KIAA1217: variants seen among roughly 807,000 people sequenced by gnomAD.
KIAA1217 encodes the protein sickle tail protein homolog.
A neutral mutation model predicts 163.9 loss-of-function variants in KIAA1217; 88 were observed. That is an observed-to-expected ratio of 0.54 (90% CI 0.45 to 0.64). The LOEUF is 0.64. Among genes scored for constraint, KIAA1217 ranks in the 30% least tolerant of loss-of-function variants. The probability of loss-of-function intolerance (pLI) is 0.00; values close to 1 mark genes in which losing one functional copy is unlikely to be tolerated. For missense variants in KIAA1217, 2,372 were observed against 2,475.0 expected (o/e 0.96, Z 0.88); for synonymous variants, 903 against 923.1 (o/e 0.98, Z 0.39).
chr10:23,992,385 T>C (rs976527527), intron 1 of KIAA1217, among the ~76,000 whole-genome samples: 4 of 151,750 alleles, frequency 2.6e-5, no homozygotes, highest in African/African-American at 7.3e-5. Context: ...CAGAAGGAGA[T>C]GCAATCCTTG....
chr10:23,740,778 T>TAA (rs796794628), intron 1 of KIAA1217, among the ~76,000 whole-genome samples: 5 of 144,538 alleles, frequency 3.5e-5, no homozygotes, highest in African/African-American at 1.3e-4. Context: ...AGGTTGAGAT[T>TAA]AAAAAAAAAA....
At chr10:23,973,178 T>G (rs983241373) in intron 1 of KIAA1217, among the ~76,000 whole-genome samples, 4 of 27,516 alleles carry the variant, frequency 1.5e-4, no homozygotes, top group Non-Finnish European at 2.2e-4. Context: ...GAATTTAAAG[T>G]TTTTTTCCGC....
chr10:24,469,881 G>A (rs1313857750), intron 5 of KIAA1217, among the ~76,000 whole-genome samples: 1 of 152,146 alleles, frequency 6.6e-6, no homozygotes, highest in Non-Finnish European at 1.5e-5. Context: ...CAAAGTGCTG[G>A]GATTACAGGC....
chr10:23,899,486 AAT>A (rs1363240152), intron 1 of KIAA1217, among the ~76,000 whole-genome samples: 89 of 152,116 alleles, frequency 5.9e-4, no homozygotes, highest in African/African-American at 2.0e-3. Context: ...GAAGAGAAGA[AAT>A]ATAAGTCGAG....
At position 24,098,696 on chromosome 10, in the gene KIAA1217, G is replaced by A. The variant is rs562287093; in HGVS notation, c.-171+91322G>A. Among the ~76,000 whole-genome samples, 4 of 149,384 alleles carry A rather than the reference G, an allele frequency of 2.7e-5. 1 individual carries two copies. The South Asian group carries it at 6.3e-4, about 23-fold the overall frequency. ...CTATCTGACTATCTCAAAGAGAGCAGCCTGTAACCCTCCCCTCTGAAGGGG... is the reference window on the plus strand; with the variant it reads ...CTATCTGACTATCTCAAAGAGAGCAACCTGTAACCCTCCCCTCTGAAGGGG... On this transcript the variant is annotated intron_variant, in intron 2 of 18. Transcript: ENST00000376462.
chr10:24,326,079 G>C (rs2044841118), intron 2 of KIAA1217, among the ~76,000 whole-genome samples: 1 of 152,150 alleles, frequency 6.6e-6, no homozygotes, highest in Non-Finnish European at 1.5e-5. Flanking sequence ...CCGTCTAAAA[G>C]AAAGCAACAC....
intron 1 of KIAA1217, among the ~76,000 whole-genome samples, chr10:23,747,951 C>T (rs747102310): frequency 1.5e-4 from 23 of 152,122 alleles, no homozygotes; most frequent in Non-Finnish European, 2.4e-4. Flanking sequence ...GACTGTTGTG[C>T]GCTACACCTG....
At chr10:24,281,383 G>A (rs1431893979) in intron 2 of KIAA1217, among the ~76,000 whole-genome samples, 2 of 152,164 alleles carry the variant, frequency 1.3e-5, no homozygotes, top group Non-Finnish European at 1.5e-5. Flanking sequence ...ATCAATTAGG[G>A]TACAGTGTGT....
chr10:24,155,266 G>C (rs1376718699), intron 2 of KIAA1217, among the ~76,000 whole-genome samples: 1 of 152,090 alleles, frequency 6.6e-6, no homozygotes, highest in Non-Finnish European at 1.5e-5. Flanking sequence ...TCCGTAACTG[G>C]AGATAGGATC....
chr10:24,464,281 C>G (rs536763062), intron 5 of KIAA1217, among the ~76,000 whole-genome samples: 6 of 152,056 alleles, frequency 3.9e-5, no homozygotes, highest in Non-Finnish European at 8.8e-5. Flanking sequence ...CTTGTAATGA[C>G]GAATCCATGC....
chr10:24,278,720 C>A (rs1329418176), intron 2 of KIAA1217, among the ~76,000 whole-genome samples: 1 of 152,172 alleles, frequency 6.6e-6, no homozygotes, highest in Non-Finnish European at 1.5e-5. Flanking sequence ...CACTAGCGTG[C>A]TCTACAGTGT....
chr10:23,709,570 T>G (rs1396875168), intron 1 of KIAA1217, among the ~76,000 whole-genome samples: 3 of 152,056 alleles, frequency 2.0e-5, no homozygotes, highest in Admixed American at 2.0e-4. Context: ...AAACTTCCTT[T>G]CATCCGAATG....
intron 1 of KIAA1217, among the ~76,000 whole-genome samples, chr10:23,925,813 G>A (rs1267795052): frequency 6.6e-6 from 1 of 152,114 alleles, no homozygotes; most frequent in Non-Finnish European, 1.5e-5. Flanking sequence ...CAAGCTTAGG[G>A]TCTGGGATCC....
At chr10:24,281,753 A>G (rs1276263948) in intron 2 of KIAA1217, among the ~76,000 whole-genome samples, 1 of 152,146 alleles carries the variant, frequency 6.6e-6, no homozygotes, top group Non-Finnish European at 1.5e-5. Flanking sequence ...TTATATCATT[A>G]TATCATATCA....
intron 2 of KIAA1217, among the ~76,000 whole-genome samples, chr10:24,314,860 C>T (rs1446845003): frequency 6.6e-6 from 1 of 152,114 alleles, no homozygotes; most frequent in Admixed American, 6.5e-5. Flanking sequence ...AGGAGAATGG[C>T]GTGAACCCAG....
chr10:24,120,272 G>A (rs1431969969), intron 2 of KIAA1217, among the ~76,000 whole-genome samples: 1 of 152,176 alleles, frequency 6.6e-6, no homozygotes, highest in African/African-American at 2.4e-5. Flanking sequence ...TGAACAATGG[G>A]AATCAGAGTC....
At chr10:23,928,150 G>A (rs1387624620) in intron 1 of KIAA1217, among the ~76,000 whole-genome samples, 2 of 152,204 alleles carry the variant, frequency 1.3e-5, no homozygotes, top group Admixed American at 6.5e-5. Flanking sequence ...TTGAGACATT[G>A]TGCTTGTGTA....
intron 9 of KIAA1217, among the ~76,000 whole-genome samples, chr10:24,509,041 G>T (rs2068745570): frequency 6.6e-6 from 1 of 152,188 alleles, no homozygotes; most frequent in Admixed American, 6.5e-5. Context: ...TTTATTGTCT[G>T]TAAACTTTGT....
chr10:24,333,529 C>T (rs1008427500), intron 2 of KIAA1217, among the ~76,000 whole-genome samples: 6 of 152,168 alleles, frequency 3.9e-5, no homozygotes, highest in African/African-American at 9.7e-5. Context: ...TCCCATCACT[C>T]AGGTAGTGAG....
Sources: gnomAD v4.1 joint callset for allele counts (sites outside exome capture counted in the v4.1 genomes callset) on GRCh38, gnomAD v4.1.1 for gene constraint, MANE v1.5 for transcripts, NCBI Gene and HGNC (gene_info 2026-07-23, HGNC 2026-07-21) for gene names.